PTPRG: variants seen among roughly 807,000 people sequenced by gnomAD.
PTPRG encodes receptor-type tyrosine-protein phosphatase gamma.
A neutral mutation model predicts 165.3 loss-of-function variants in PTPRG; 102 were observed. The observed-to-expected ratio is 0.62, with a 90% CI of 0.53 to 0.73. The LOEUF is 0.73. Ranked by LOEUF, PTPRG falls within the 30% of genes least tolerant of loss-of-function variation. PTPRG has a pLI of 0.00. For missense variants in PTPRG, 1,866 were observed against 1,861.4 expected (o/e 1.00, Z -0.05); for synonymous variants, 675 against 669.5 (o/e 1.01, Z -0.13).
chr3:61,635,707 T>C (rs895835665), intron 1 of PTPRG, among the ~76,000 whole-genome samples: 2 of 152,168 alleles, frequency 1.3e-5, no homozygotes, highest in Admixed American at 6.6e-5. Flanking sequence ...GCTTGAGTCT[T>C]AGGCTGATTG....
intron 14 of PTPRG, among the ~76,000 whole-genome samples, chr3:62,236,000 A>G (rs1416285182): frequency 6.6e-6 from 1 of 152,088 alleles, no homozygotes; most frequent in Non-Finnish European, 1.5e-5. Flanking sequence ...GCCCCCTTTT[A>G]TGATTTGGAA....
At chr3:62,076,953 C>G (rs971712157) in intron 4 of PTPRG, among the ~76,000 whole-genome samples, 2 of 152,166 alleles carry the variant, frequency 1.3e-5, no homozygotes, top group African/African-American at 4.8e-5. Flanking sequence ...AGTTGACTTA[C>G]CTGTGTTCTG....
intron 2 of PTPRG, among the ~76,000 whole-genome samples, chr3:61,775,191 C>T (rs890622430): frequency 6.6e-6 from 1 of 152,140 alleles, no homozygotes; most frequent in Non-Finnish European, 1.5e-5. Context: ...CTGCCTTGCT[C>T]TCCTGAGCAG....
At chr3:61,714,803 T>G (rs937072777) in intron 1 of PTPRG, among the ~76,000 whole-genome samples, 1 of 152,214 alleles carries the variant, frequency 6.6e-6, no homozygotes, top group Non-Finnish European at 1.5e-5. Context: ...ACCTCTGAAC[T>G]GTATTAATGG....
intron 4 of PTPRG, among the ~76,000 whole-genome samples, chr3:62,020,023 A>G (rs1575896971): frequency 2.0e-5 from 3 of 152,258 alleles, no homozygotes; most frequent in Non-Finnish European, 2.9e-5. Flanking sequence ...TTTTAGGAGT[A>G]TAGTAGTCTG....
rs1703565005 is a variant in PTPRG at position 62,132,749 on chromosome 3, G to C, written c.682+81G>C. 8.7e-6 allele frequency: 11 copies of C among 1,262,382 alleles called. No homozygotes were observed. The South Asian group carries it at 1.2e-4, about 14-fold the overall frequency. 78.2% of individuals were successfully genotyped at this position (1,262,382 alleles called of 1,614,324 possible). ...CCTAAAAGAATCAGGTTATCTTGCAGAGGACAGAGGGTGACACCTATTCCT... is the reference window on the plus strand; with the variant it reads ...CCTAAAAGAATCAGGTTATCTTGCACAGGACAGAGGGTGACACCTATTCCT... On this transcript the variant is annotated intron_variant, in intron 6 of 29. Transcript: ENST00000474889.
At chr3:62,180,548 G>A (rs530253680) in intron 8 of PTPRG, among the ~76,000 whole-genome samples, 17 of 152,280 alleles carry the variant, frequency 1.1e-4, no homozygotes, top group African/African-American at 3.4e-4. Context: ...GGATAGGTCC[G>A]CTTTGCTCTC....
At chr3:61,874,862 C>T (rs1034499447) in intron 2 of PTPRG, among the ~76,000 whole-genome samples, 22 of 152,226 alleles carry the variant, frequency 1.4e-4, no homozygotes, top group African/African-American at 5.3e-4. Context: ...TCCCAGACTT[C>T]TTCACCATGG....
intron 8 of PTPRG, among the ~76,000 whole-genome samples, chr3:62,180,727 A>G (rs1705613040): frequency 6.6e-6 from 1 of 152,144 alleles, no homozygotes; most frequent in African/African-American, 2.4e-5. Context: ...TGAGCTGAAC[A>G]ATGCTCTTTC....
intron 4 of PTPRG, among the ~76,000 whole-genome samples, chr3:62,062,813 C>T (rs1700865113): frequency 6.6e-6 from 1 of 152,106 alleles, no homozygotes; most frequent in Non-Finnish European, 1.5e-5. Context: ...CAGGCATGTG[C>T]CACCATGCCC....
chr3:61,936,389 C>G (rs2039485530), intron 2 of PTPRG, among the ~76,000 whole-genome samples: 1 of 152,184 alleles, frequency 6.6e-6, no homozygotes, highest in Admixed American at 6.5e-5. Context: ...AACTCATGCT[C>G]TTGAGTAATC....
intron 4 of PTPRG, among the ~76,000 whole-genome samples, chr3:62,036,341 C>G (rs934360032): frequency 6.6e-6 from 1 of 152,140 alleles, no homozygotes; most frequent in African/African-American, 2.4e-5. Context: ...ATATGAAGTC[C>G]TGGGTTATTG....
At chr3:61,562,681 G>A (rs1699792445) in intron 1 of PTPRG, among the ~76,000 whole-genome samples, 2 of 152,010 alleles carry the variant, frequency 1.3e-5, no homozygotes, top group South Asian at 2.1e-4. Context: ...GACTTGCTTT[G>A]CTGACTCGTC....
At chr3:61,646,127 A>G (rs779084830) in intron 1 of PTPRG, among the ~76,000 whole-genome samples, 16 of 151,812 alleles carry the variant, frequency 1.1e-4, no homozygotes, top group Non-Finnish European at 1.6e-4. Context: ...TTTTTTTGAG[A>G]TGGGGTCTCA....
intron 4 of PTPRG, among the ~76,000 whole-genome samples, chr3:62,017,293 C>T (rs970435783): frequency 3.9e-5 from 6 of 152,224 alleles, no homozygotes; most frequent in African/African-American, 1.4e-4. Context: ...CAAATCCTAC[C>T]CCAAAAGTAT....
chr3:62,020,865 G>C (rs919529847), intron 4 of PTPRG, among the ~76,000 whole-genome samples: 1 of 147,398 alleles, frequency 6.8e-6, no homozygotes, highest in Admixed American at 6.8e-5. Context: ...TTTGGATACA[G>C]GGTCTTGCTA....
intron 1 of PTPRG, among the ~76,000 whole-genome samples, chr3:61,574,938 C>T (rs913935571): frequency 2.0e-5 from 3 of 152,152 alleles, no homozygotes; most frequent in African/African-American, 7.2e-5. Flanking sequence ...TCAGTCACTG[C>T]CTCGAGAATG....
At chr3:61,666,718 T>C (rs1702822081) in intron 1 of PTPRG, among the ~76,000 whole-genome samples, 1 of 152,200 alleles carries the variant, frequency 6.6e-6, no homozygotes. Context: ...TTACCCAGCA[T>C]CTGGGAGGAC....
rs770219135 is a variant in PTPRG at position 62,243,883 on chromosome 3, A to G, written c.2452A>G (p.Ile818Val). ...AGTGGTCCCTAATGAAAGTATCCCT[A>G]TTATTCCTATTCCGGGTAAGTAAGA... Reference protein sequence around the residue: ...PRVVPNESIPIIPIPDDMEAI... With the variant: ...PRVVPNESIPVIPIPDDMEAI... The change falls in exon 15 of 30, where the codon ATT becomes GTT. Residue 818 changes from isoleucine (I) to valine (V), a missense_variant. This residue lies in a region of PTPRG where 1,452 missense variants were observed against 1,463.0 expected (regional missense o/e 0.99). Transcript: ENST00000474889. The G allele has an allele frequency of 6.5e-7, 1 of 1,541,298 alleles. No individual in the cohort carries two copies.
Sources: allele counts gnomAD v4.1 joint callset (sites outside exome capture counted in the v4.1 genomes callset), GRCh38; gene constraint gnomAD v4.1.1; regional missense constraint gnomAD v4.1.1; transcripts MANE v1.5; gene names NCBI Gene and HGNC (gene_info 2026-07-23, HGNC 2026-07-21).